The following INTS3 variants were observed in gnomAD, a reference collection of about 807,000 sequenced individuals.
INTS3 encodes the protein integrator complex subunit 3, also known as SOSS complex subunit A.
Under a neutral mutation model 146.3 loss-of-function variants are expected in INTS3, and 34 were observed. The ratio of observed to expected loss-of-function variants is 0.23; its 90% CI spans 0.18 to 0.31. INTS3 has a LOEUF of 0.31. Among genes scored for constraint, INTS3 ranks in the 10% least tolerant of loss-of-function variants. The pLI, the probability that INTS3 is intolerant of heterozygous loss-of-function variation, is 1.00. For synonymous variants in INTS3, 475 were observed against 494.9 expected, an observed-to-expected ratio of 0.96 and a Z score of 0.53; for missense variants, 757 against 1,304.2, an observed-to-expected ratio of 0.58 and a Z score of 6.46.
chr1:153,749,945 T>G (rs777672651), intron 6 of INTS3, among the ~76,000 whole-genome samples: 2 of 152,198 alleles, frequency 1.3e-5, no homozygotes, highest in Non-Finnish European at 2.9e-5. Flanking sequence ...TCCAAAAAAC[T>G]TACATCTTTT....
At chr1:153,759,653 C>T in intron 11 of INTS3, 40 bp downstream of exon 11, 2 of 1,310,210 alleles carry the variant, frequency 1.5e-6, no homozygotes, top group Non-Finnish European at 2.2e-6. Flanking sequence ...TCCCCATCCC[C>T]CTAAGCCCCC....
intron 3 of INTS3, among the ~76,000 whole-genome samples, chr1:153,742,203 G>A (rs1438096880): frequency 2.0e-5 from 3 of 152,180 alleles, no homozygotes; most frequent in Non-Finnish European, 4.4e-5. Flanking sequence ...GGGTGAGGGT[G>A]GGCAGTGAGG....
chr1:153,774,619 A>C lies in INTS3; in HGVS notation c.*1349A>C, dbSNP rs540953965. The C allele has an allele frequency of 3.2e-5, 5 of 158,186 alleles. No homozygotes were observed. Among genetic ancestry groups the C allele is most frequent in the African/African-American group, 1.2e-4 (5 of 41,572 alleles). 9.8% of individuals were successfully genotyped at this position (158,186 alleles called of 1,614,324 possible). On this transcript the variant is annotated 3_prime_UTR_variant, in exon 30 of 30. Coordinates refer to ENST00000318967, the MANE Select transcript of INTS3 (RefSeq NM_023015.5). Reference sequence around the variant, plus strand: ...GAGAATGGAGGTGGACTGAGGAGTGAAGTTTGGGCGAACTGCACAGAGCTG... The same window carrying C: ...GAGAATGGAGGTGGACTGAGGAGTGCAGTTTGGGCGAACTGCACAGAGCTG...
intron 1 of INTS3, among the ~76,000 whole-genome samples, chr1:153,729,230 C>T (rs537803443): frequency 6.6e-6 from 1 of 152,282 alleles, no homozygotes; most frequent in East Asian, 1.9e-4. Flanking sequence ...CTATCATTGA[C>T]TTCGTGTAGA....
At chr1:153,754,957 G>C (rs1034211638) in intron 9 of INTS3, among the ~76,000 whole-genome samples, 1 of 152,218 alleles carries the variant, frequency 6.6e-6, no homozygotes, top group African/African-American at 2.4e-5. Context: ...GAATAAGAGA[G>C]ATACAGTTCC....
chr1:153,730,009 A>G (rs1570825332), intron 1 of INTS3, among the ~76,000 whole-genome samples: 2 of 152,196 alleles, frequency 1.3e-5, no homozygotes, highest in Non-Finnish European at 2.9e-5. Context: ...GCTGTTTCCC[A>G]GCTTCTAACT....
Position 153,774,785 on chromosome 1 carries a change from C to G in INTS3, c.*1515C>G. 3.3e-6 allele frequency: 1 copy of G among 303,384 alleles called. No individual in the cohort carries two copies. Among genetic ancestry groups the G allele is most frequent in the Non-Finnish European group, 6.1e-6 (1 of 163,744 alleles). The allele number at this position is 303,384 out of a possible 1,614,324, so 18.8% of individuals were successfully genotyped here. ...TCTCCTTCCCCAGTTTCCTCTGTCC[C>G]AATTAAAACCAGGATGGAGAGCATT... On this transcript the variant is annotated 3_prime_UTR_variant, in exon 30 of 30. Coordinates refer to ENST00000318967, the MANE Select transcript of INTS3 (RefSeq NM_023015.5).
intron 3 of INTS3, among the ~76,000 whole-genome samples, chr1:153,744,636 A>G (rs954332435): frequency 4.6e-5 from 7 of 152,218 alleles, no homozygotes; most frequent in African/African-American, 7.2e-5. Context: ...CTTAACGACA[A>G]TAGAGGCAGA....
intron 1 of INTS3, among the ~76,000 whole-genome samples, chr1:153,736,647 A>G (rs1671302483): frequency 6.6e-6 from 1 of 150,418 alleles, no homozygotes; most frequent in Non-Finnish European, 1.5e-5. Flanking sequence ...GGGTTTCACC[A>G]TGTTGGTCAG....
intron 3 of INTS3, among the ~76,000 whole-genome samples, chr1:153,742,782 G>A (rs576507195): frequency 6.6e-6 from 1 of 152,336 alleles, no homozygotes; most frequent in East Asian, 1.9e-4. Context: ...CACAGCAAGA[G>A]ACTAGAGTAT....
chr1:153,729,865 CA>C lies in INTS3; in HGVS notation c.150+1098del, dbSNP rs59539957. ...GACGACAGAGCGAGAGACCCCGTCT[CA>C]AAAAAAAAAAAAAAAAGAATATGAG... On this transcript the variant is annotated intron_variant, in intron 1 of 29. Coordinates refer to ENST00000318967, the MANE Select transcript of INTS3 (RefSeq NM_023015.5). Among the ~76,000 whole-genome samples, 84 of 127,744 alleles carry C rather than the reference CA, an allele frequency of 6.6e-4. 1 individual carries two copies. The highest frequency in any genetic ancestry group is 3.3e-3 in the East Asian group (15 of 4,498). 83.8% of individuals were successfully genotyped at this position (127,744 alleles called of 152,430 possible).
At position 153,770,552 on chromosome 1, in the gene INTS3, G is replaced by C. The variant is rs1672807554; in HGVS notation, c.2504-133G>C. 3.8e-6 allele frequency: 3 copies of C among 785,668 alleles called. No homozygotes were observed. In the South Asian group the frequency reaches 4.6e-5, roughly 12 times the overall value. The allele number at this position is 785,668 out of a possible 1,614,324, so 48.7% of individuals were successfully genotyped here. ...CTCAGGGACTGATAGGAGTGGGGTA[G>C]GGGATTCTTCCTGGCTCCTCATCAA... On this transcript the variant is annotated intron_variant, in intron 24 of 29. Transcript: ENST00000318967.
chr1:153,750,574 G>T (rs564240558), intron 6 of INTS3, among the ~76,000 whole-genome samples: 1 of 152,298 alleles, frequency 6.6e-6, no homozygotes, highest in East Asian at 1.9e-4. Context: ...TAAGCAGACT[G>T]AGCTAGCACA....
chr1:153,752,274 T>C lies in INTS3; in HGVS notation c.730-5T>C. ...CCTGTCCCCCACTTCCTCTTCCCTATCAAGTTCATGGAATGTCTGATGATT... is the reference window on the plus strand; with the variant it reads ...CCTGTCCCCCACTTCCTCTTCCCTACCAAGTTCATGGAATGTCTGATGATT... On this transcript the variant is annotated splice_region_variant and splice_polypyrimidine_tract_variant and intron_variant, in intron 7 of 29. Transcript: ENST00000318967. 6.2e-7 allele frequency: 1 copy of C among 1,613,278 alleles called. No homozygotes were observed.
chr1:153,759,779 T>C, intron 11 of INTS3, 166 bp downstream of exon 11: 1 of 612,386 alleles, frequency 1.6e-6, no homozygotes, highest in East Asian at 2.7e-5. Context: ...AGAAAGAGAA[T>C]TGCTTTGATA....
intron 1 of INTS3, among the ~76,000 whole-genome samples, chr1:153,737,083 C>T (rs902480438): frequency 1.3e-5 from 2 of 152,072 alleles, no homozygotes; most frequent in Non-Finnish European, 1.5e-5. Context: ...CATTCTTAAA[C>T]CTCTATCCTA....
rs1011238707 is a variant in INTS3 at position 153,738,558 on chromosome 1, A to G, written c.151-2093A>G. On this transcript the variant is annotated intron_variant, in intron 1 of 29. Coordinates refer to ENST00000318967, the MANE Select transcript of INTS3 (RefSeq NM_023015.5). The stretch of plus-strand genomic sequence containing the variant: ...CCTGTTAGAGGCACATAGTGTTAAC[A>G]TGTCTCATTATTTAGTGATATTAAC... Among the ~76,000 whole-genome samples, 4 of 152,350 alleles carry G rather than the reference A, an allele frequency of 2.6e-5. No individual in the cohort carries two copies. In the South Asian group the frequency reaches 6.2e-4, roughly 24 times the overall value.
intron 15 of INTS3, 121 bp from the exon 16 acceptor site, chr1:153,763,112 C>G: frequency 7.7e-7 from 1 of 1,297,232 alleles, no homozygotes; most frequent in Non-Finnish European, 1.1e-6. Flanking sequence ...GGCACTCACA[C>G]AGCATTGAGG....
At chr1:153,759,745 T>C (rs1290337464) in intron 11 of INTS3, 132 bp downstream of exon 11, 2 of 664,192 alleles carry the variant, frequency 3.0e-6, no homozygotes, top group Non-Finnish European at 5.4e-6. Context: ...GCTCTGTTGT[T>C]CCTCATCAGT....
Sources: gnomAD v4.1 joint callset for allele counts (sites outside exome capture counted in the v4.1 genomes callset) on GRCh38, gnomAD v4.1.1 for gene constraint, MANE v1.5 for transcripts, NCBI Gene and HGNC (gene_info 2026-07-23, HGNC 2026-07-21) for gene names.